Variants in HDAC9 observed in about 807,000 individuals in gnomAD.
The protein encoded by HDAC9 is histone deacetylase 9, also known as MEF-2 interacting transcription repressor (MITR) protein.
A neutral mutation model predicts 139.4 loss-of-function variants in HDAC9; 41 were observed. That is an observed-to-expected ratio of 0.29 (90% CI 0.23 to 0.38). The LOEUF (loss-of-function observed/expected upper bound fraction) is 0.38, where lower values mean the gene tolerates loss of function less well. Ranked by LOEUF, HDAC9 falls within the 10% of genes least tolerant of loss-of-function variation. HDAC9 has a pLI of 1.00. For missense variants in HDAC9, 1,147 were observed against 1,297.0 expected, an observed-to-expected ratio of 0.88 and a Z score of 1.78; for synonymous variants, 517 against 476.2, an observed-to-expected ratio of 1.09 and a Z score of -1.12.
intron 17 of HDAC9, among the ~76,000 whole-genome samples, chr7:18,807,099 G>A (rs925457336): frequency 6.6e-6 from 1 of 152,006 alleles, no homozygotes; most frequent in Non-Finnish European, 1.5e-5. Flanking sequence ...TACTTTGTTG[G>A]GATTTTTAAA....
intron 1 of HDAC9, among the ~76,000 whole-genome samples, chr7:18,307,684 C>A (rs1198895556): frequency 6.6e-6 from 1 of 151,920 alleles, no homozygotes; most frequent in Admixed American, 6.6e-5. Context: ...ATACATGTAG[C>A]CCCAGCTACT....
chr7:18,135,830 G>C (rs1265879787), intron 1 of HDAC9, among the ~76,000 whole-genome samples: 1 of 145,228 alleles, frequency 6.9e-6, no homozygotes, highest in Non-Finnish European at 1.5e-5. Context: ...TAATGGGATG[G>C]CTGGGTCAAA....
At chr7:18,725,787 G>A (rs112642941) in intron 12 of HDAC9, among the ~76,000 whole-genome samples, 1,683 of 152,190 alleles carry the variant, frequency 0.011, 13 homozygotes, top group Middle Eastern at 0.027. Context: ...TATGAGGAAG[G>A]ACTATATTAA....
intron 2 of HDAC9, among the ~76,000 whole-genome samples, chr7:18,278,522 A>C (rs1796892088): frequency 6.6e-6 from 1 of 152,216 alleles, no homozygotes; most frequent in African/African-American, 2.4e-5. Flanking sequence ...ATGGAGTCTC[A>C]TATTTAATAT....
At chr7:18,910,579 T>C (rs1402244264) in intron 22 of HDAC9, among the ~76,000 whole-genome samples, 1 of 152,004 alleles carries the variant, frequency 6.6e-6, no homozygotes, top group African/African-American at 2.4e-5. Context: ...TAGTACTAGG[T>C]TGAATAAGAA....
intron 2 of HDAC9, among the ~76,000 whole-genome samples, chr7:18,555,020 CAT>C (rs1479896162): frequency 6.6e-6 from 1 of 152,144 alleles, no homozygotes; most frequent in African/African-American, 2.4e-5. Context: ...TTGGCAGAAA[CAT>C]ATAAAATTGT....
chr7:18,942,835 C>T (rs1782112666), intron 23 of HDAC9, among the ~76,000 whole-genome samples: 1 of 151,816 alleles, frequency 6.6e-6, no homozygotes, highest in Non-Finnish European at 1.5e-5. Context: ...GGACAGTTAG[C>T]AGTTCAACAT....
At chr7:18,490,195 C>T (rs1336813983) in intron 1 of HDAC9, among the ~76,000 whole-genome samples, 1 of 152,032 alleles carries the variant, frequency 6.6e-6, no homozygotes, top group African/African-American at 2.4e-5. Flanking sequence ...GGTTCTCAAA[C>T]TTTATTGTGC....
intron 21 of HDAC9, among the ~76,000 whole-genome samples, chr7:18,847,464 T>C (rs1796988664): frequency 6.6e-6 from 1 of 151,990 alleles, no homozygotes; most frequent in Non-Finnish European, 1.5e-5. Context: ...CACCAGAAGG[T>C]CTGGTTGGAT....
intron 2 of HDAC9, among the ~76,000 whole-genome samples, chr7:18,237,807 A>G (rs1793925172): frequency 6.6e-6 from 1 of 152,186 alleles, no homozygotes; most frequent in Non-Finnish European, 1.5e-5. Context: ...AAGGCCCAGG[A>G]GAAAGGTGTG....
At chr7:18,176,672 A>G (rs981688181) in intron 2 of HDAC9, among the ~76,000 whole-genome samples, 8 of 152,204 alleles carry the variant, frequency 5.3e-5, no homozygotes, top group African/African-American at 1.4e-4. Flanking sequence ...TTTTCAGTTC[A>G]GAGGTACATG....
chr7:18,988,082 A>C (rs1463524445), intron 25 of HDAC9, among the ~76,000 whole-genome samples: 1 of 152,000 alleles, frequency 6.6e-6, no homozygotes, highest in Non-Finnish European at 1.5e-5. Flanking sequence ...CTCTGATTTT[A>C]GTTATTTCTT....
intron 2 of HDAC9, among the ~76,000 whole-genome samples, chr7:18,180,821 A>G (rs538829519): frequency 1.8e-4 from 27 of 152,322 alleles, no homozygotes; most frequent in Admixed American, 5.9e-4. Context: ...AATCAGTTTC[A>G]CTGGGCTGAA....
intron 12 of HDAC9, among the ~76,000 whole-genome samples, chr7:18,695,826 A>T (rs1783004436): frequency 6.6e-6 from 1 of 152,140 alleles, no homozygotes; most frequent in Admixed American, 6.5e-5. Flanking sequence ...CAGTTTTCTC[A>T]CACATTTTTA....
intron 2 of HDAC9, among the ~76,000 whole-genome samples, chr7:18,581,359 T>A (rs1210433108): frequency 6.6e-6 from 1 of 152,126 alleles, no homozygotes; most frequent in Non-Finnish European, 1.5e-5. Context: ...TTTTCACAAT[T>A]TAGTGATTAG....
chr7:18,794,582 A>AG (rs570319810), intron 17 of HDAC9, among the ~76,000 whole-genome samples: 136 of 152,324 alleles, frequency 8.9e-4, no homozygotes, highest in African/African-American at 3.1e-3. Flanking sequence ...TGCTCATCTC[A>AG]GGGGATATAT....
intron 2 of HDAC9, among the ~76,000 whole-genome samples, chr7:18,220,234 G>A (rs1792602059): frequency 6.6e-6 from 1 of 152,128 alleles, no homozygotes; most frequent in Non-Finnish European, 1.5e-5. Context: ...ATGGGAGGGA[G>A]GGGAACAAAT....
intron 11 of HDAC9, among the ~76,000 whole-genome samples, chr7:18,653,725 A>G (rs570700777): frequency 4.2e-4 from 64 of 152,314 alleles, no homozygotes; most frequent in African/African-American, 1.5e-3. Flanking sequence ...CTGACAAGCA[A>G]GGCATGAATA....
chr7:18,482,404 A>G (rs1201168797), intron 1 of HDAC9, among the ~76,000 whole-genome samples: 2 of 143,662 alleles, frequency 1.4e-5, no homozygotes, highest in African/African-American at 5.1e-5. Context: ...AAAAAAAAAA[A>G]AAAAAAAAAA....
Sources: gnomAD v4.1 joint callset for allele counts (sites outside exome capture counted in the v4.1 genomes callset) on GRCh38, gnomAD v4.1.1 for gene constraint, MANE v1.5 for transcripts, NCBI Gene and HGNC (gene_info 2026-07-23, HGNC 2026-07-21) for gene names.